Variants in ARMC2 observed in about 807,000 individuals in gnomAD.
ARMC2 encodes the protein armadillo repeat containing 2, also known as armadillo repeat-containing protein 2.
ARMC2 carries 67 observed loss-of-function variants against 90.3 expected under a neutral mutation model. The ratio of observed to expected loss-of-function variants is 0.74; its 90% CI spans 0.61 to 0.91. The LOEUF is 0.91. ARMC2 is among the 40% of genes least tolerant of loss of function. The pLI is 0.00. For missense variants in ARMC2, 920 were observed against 1,030.9 expected (o/e 0.89, Z 1.47); for synonymous variants, 393 against 393.0 (o/e 1.00, Z 0.00).
the ARMC2 span, among the ~76,000 whole-genome samples, chr6:109,039,422 A>G: frequency 8.5e-5 from 13 of 152,234 alleles, no homozygotes; most frequent in Non-Finnish European, 1.8e-4. Context: ...ATTAATGTCA[A>G]AGTATCATCA....
At chr6:108,920,446 C>CA (rs1774442578) in intron 10 of ARMC2, among the ~76,000 whole-genome samples, 1 of 152,188 alleles carries the variant, frequency 6.6e-6, no homozygotes, top group African/African-American at 2.4e-5. Flanking sequence ...ACTAACCACT[C>CA]ACGTGCCCAG....
chr6:108,895,632 A>G (rs1287828579), intron 6 of ARMC2, among the ~76,000 whole-genome samples: 2 of 152,246 alleles, frequency 1.3e-5, no homozygotes, highest in East Asian at 3.8e-4. Context: ...TTCATGCAAT[A>G]GAATATAGTT....
rs550947834 is a variant in ARMC2, at chr6:108,928,692, TC to T, written c.1496+460del. 3.3e-5 allele frequency among the ~76,000 whole-genome samples: 5 copies of T among 152,298 alleles called. No individual in the cohort carries two copies. The South Asian group carries it at 1.0e-3, about 32-fold the overall frequency. ...GAACTTTGGCTCAAGCTTTCACTAG[TC>T]AAGTCTACACTTACTTTATTTCTTC... On this transcript the variant is annotated intron_variant, in intron 11 of 17. Transcript: ENST00000392644.
intron 12 of ARMC2, among the ~76,000 whole-genome samples, chr6:108,952,699 A>G (rs1333208492): frequency 6.6e-6 from 1 of 152,248 alleles, no homozygotes; most frequent in African/African-American, 2.4e-5. Flanking sequence ...TTAGATTTAC[A>G]TGACTCATTT....
intron 12 of ARMC2, among the ~76,000 whole-genome samples, 177 bp from the exon 13 acceptor site, chr6:108,952,856 A>G (rs1244269144): frequency 1.3e-5 from 2 of 152,184 alleles, no homozygotes; most frequent in Non-Finnish European, 2.9e-5. Flanking sequence ...AAGTGCTTTT[A>G]ATCTCCTTTG....
chr6:109,052,913 C>T, the ARMC2 span, among the ~76,000 whole-genome samples: 3 of 152,130 alleles, frequency 2.0e-5, no homozygotes, highest in Non-Finnish European at 4.4e-5. Context: ...CCCCGTAGAG[C>T]TTATAATCTA....
the ARMC2 span, chr6:108,994,549 A>T: frequency 2.1e-5 from 34 of 1,613,604 alleles, no homozygotes; most frequent in Non-Finnish European, 2.7e-5. Context: ...TCATCTCGAC[A>T]TTCCTGTAAC....
chr6:109,035,423 T>C, the ARMC2 span, among the ~76,000 whole-genome samples: 3 of 151,956 alleles, frequency 2.0e-5, no homozygotes, highest in East Asian at 5.8e-4. Context: ...AAAGACTGAG[T>C]ATAAAAGGTC....
At chr6:108,901,734 AC>A (rs1772180405) in intron 7 of ARMC2, among the ~76,000 whole-genome samples, 1 of 152,172 alleles carries the variant, frequency 6.6e-6, no homozygotes, top group Admixed American at 6.6e-5. Flanking sequence ...TTTCTTAGAA[AC>A]AAAAACATTC....
rs371652575 is a variant in ARMC2, at chr6:108,953,151, C to T, written c.1715C>T (p.Thr572Met). ...SIQTLLSLFQTFHQLDLHSQK... is the reference protein window; with the variant it reads ...SIQTLLSLFQMFHQLDLHSQK... ...CAAACTCTGCTGTCATTATTCCAGA[C>T]GTTCCATCAGCTGGATCTGCATTCC... The change falls in exon 13 of 18, where the codon ACG (threonine) becomes ATG (methionine). Residue 572 changes from threonine to methionine, a missense_variant. By Grantham distance (81) the Thr-to-Met change is moderately conservative. Transcript: ENST00000392644. The T allele has an allele frequency of 5.9e-5, 95 of 1,613,942 alleles. 1 individual carries two copies. Among genetic ancestry groups the T allele is most frequent in the Middle Eastern group, 4.9e-4 (3 of 6,082 alleles).
chr6:108,907,119 CTTTTCTTTG>C (rs1772821632), intron 8 of ARMC2, among the ~76,000 whole-genome samples: 2 of 151,970 alleles, frequency 1.3e-5, no homozygotes, highest in Non-Finnish European at 2.9e-5. Context: ...TGTCTTTTTT[CTTTTCTTTG>C]TTTTCATTTT....
the ARMC2 span, chr6:109,008,791 G>A: frequency 1.0e-6 from 1 of 985,378 alleles, no homozygotes; most frequent in Non-Finnish European, 1.2e-6. Context: ...GGCTTAATAC[G>A]CAAGAGTAAA....
intron 13 of ARMC2, among the ~76,000 whole-genome samples, chr6:108,956,924 G>A (rs1777626213): frequency 1.3e-5 from 2 of 152,310 alleles, no homozygotes; most frequent in East Asian, 3.9e-4. Context: ...CCCAGGAGGT[G>A]GAGGTTGCAG....
chr6:108,946,338 T>C lies in ARMC2; in HGVS notation c.1597-6695T>C, dbSNP rs1776811357. 3.3e-5 allele frequency among the ~76,000 whole-genome samples: 5 copies of C among 152,246 alleles called. No individual in the cohort carries two copies. In the South Asian group the frequency reaches 1.0e-3, roughly 31 times the overall value. On this transcript the variant is annotated intron_variant, in intron 12 of 17. Transcript: ENST00000392644. Reference sequence around the variant, plus strand: ...TGGAGGAATCAAGCGTAATCTCTTCTGGTTTTAAAATGATTTTCTACTTAG... The same window carrying C: ...TGGAGGAATCAAGCGTAATCTCTTCCGGTTTTAAAATGATTTTCTACTTAG...
intron 3 of ARMC2, among the ~76,000 whole-genome samples, chr6:108,862,363 A>AAAAAC (rs1775352041): frequency 8.0e-5 from 12 of 149,228 alleles, no homozygotes; most frequent in African/African-American, 3.0e-4. Flanking sequence ...AAAAAACAAA[A>AAAAAC]AAAACAAACA....
At chr6:108,976,007 T>C (rs1778977272), downstream of ARMC2, among the ~76,000 whole-genome samples, 1 of 152,234 alleles carries the variant, frequency 6.6e-6, no homozygotes, top group Non-Finnish European at 1.5e-5. Flanking sequence ...TTAGTTTAAC[T>C]AGATCCCACT....
At chr6:108,890,187 C>A (rs1272159932) in intron 5 of ARMC2, among the ~76,000 whole-genome samples, 2 of 38,408 alleles carry the variant, frequency 5.2e-5, no homozygotes, top group African/African-American at 1.5e-4. Context: ...GAGACTCCGT[C>A]TCAAAAAAAA....
intron 10 of ARMC2, among the ~76,000 whole-genome samples, chr6:108,920,050 A>G (rs530403321): frequency 1.2e-4 from 19 of 152,284 alleles, no homozygotes; most frequent in African/African-American, 4.1e-4. Flanking sequence ...ATTGATATGG[A>G]TATGCCATAG....
rs541100491 is a variant in ARMC2 at position 108,889,302 on chromosome 6, T to C, written c.672-5165T>C. On this transcript the variant is annotated intron_variant, in intron 5 of 17. Transcript: ENST00000392644. The stretch of plus-strand genomic sequence containing the variant: ...CTGGAATTACAGGCGCCCGCCACCA[T>C]GCCTGGCTAATTTTTGTATTTTTAG... Among the ~76,000 whole-genome samples, 17 of 150,864 alleles carry C rather than the reference T, an allele frequency of 1.1e-4. 1 individual carries two copies. In the South Asian group the frequency reaches 3.5e-3, roughly 31 times the overall value.
Sources: gnomAD v4.1 joint callset for allele counts (sites outside exome capture counted in the v4.1 genomes callset) on GRCh38, gnomAD v4.1.1 for gene constraint, MANE v1.5 for transcripts, NCBI Gene and HGNC (gene_info 2026-07-23, HGNC 2026-07-21) for gene names.